The following CEP15 variants were observed in gnomAD, a reference collection of about 807,000 sequenced individuals.
The protein encoded by CEP15 is centrosomal protein 15 kDa.
the CEP15 span, among the ~76,000 whole-genome samples, chr3:62,320,764 C>G: frequency 2.6e-5 from 4 of 152,168 alleles, no homozygotes; most frequent in African/African-American, 9.7e-5. Context: ...CCTCCTCCCA[C>G]CCTTTCTAGG....
At chr3:62,333,371 A>G in the CEP15 span, 1 of 1,610,922 alleles carries the variant, frequency 6.2e-7, no homozygotes, top group Non-Finnish European at 8.5e-7. The surrounding 1 kb of genome is among the most constrained non-coding windows in gnomAD (Gnocchi z 4.0). Context: ...ATACCATTCA[A>G]AATGAGGCAC....
chr3:62,335,864 G>A, the CEP15 span: 1 of 152,020 alleles, frequency 6.6e-6, no homozygotes, highest in African/African-American at 2.4e-5. Flanking sequence ...TCTGGTATAT[G>A]AAATTATTAA....
the CEP15 span, among the ~76,000 whole-genome samples, chr3:62,329,872 A>AT: frequency 2.0e-5 from 3 of 152,246 alleles, no homozygotes; most frequent in South Asian, 6.2e-4. Context: ...TGTTTATTTG[A>AT]TTTATAAAGG....
chr3:62,325,188 A>G, the CEP15 span, among the ~76,000 whole-genome samples: 1 of 152,230 alleles, frequency 6.6e-6, no homozygotes, highest in Non-Finnish European at 1.5e-5. Context: ...ACAAGGAAAC[A>G]TATGCCTTAA....
chr3:62,329,006 C>A, the CEP15 span, among the ~76,000 whole-genome samples: 2 of 147,512 alleles, frequency 1.4e-5, no homozygotes, highest in South Asian at 4.4e-4. Context: ...CAAAGTAGTT[C>A]TTTAGAAAAA....
the CEP15 span, among the ~76,000 whole-genome samples, chr3:62,327,678 T>C: frequency 5.3e-5 from 8 of 152,238 alleles, no homozygotes; most frequent in Non-Finnish European, 4.4e-5. Context: ...TTGTAACTTA[T>C]ATGAAGAGAA....
the CEP15 span, chr3:62,335,450 G>A: frequency 1.5e-5 from 2 of 136,720 alleles, no homozygotes; most frequent in Admixed American, 7.8e-5. Flanking sequence ...TGCACCACAT[G>A]GTGTCTGTTT....
At chr3:62,322,496 A>G in the CEP15 span, 565 of 161,198 alleles carry the variant, frequency 3.5e-3, 3 homozygotes, top group Non-Finnish European at 5.9e-3. The surrounding 1 kb of genome is among the most constrained non-coding windows in gnomAD (Gnocchi z 5.5). Context: ...GTAAACACAC[A>G]GAATTCATAT....
At chr3:62,326,022 C>CAAA in the CEP15 span, among the ~76,000 whole-genome samples, 1 of 106,726 alleles carries the variant, frequency 9.4e-6, no homozygotes, top group Non-Finnish European at 2.0e-5. Flanking sequence ...GACTTCGTCT[C>CAAA]AAAAAAAAAA....
the CEP15 span, chr3:62,334,806 G>T: frequency 5.9e-5 from 9 of 152,136 alleles, no homozygotes; most frequent in African/African-American, 2.2e-4. This position sits in a 1 kb window ranked among gnomAD's most constrained non-coding sequence, Gnocchi z 4.9. Flanking sequence ...ATTTTTTTCT[G>T]TTACATTACA....
the CEP15 span, among the ~76,000 whole-genome samples, chr3:62,325,822 A>G: frequency 6.6e-6 from 1 of 152,052 alleles, no homozygotes; most frequent in African/African-American, 2.4e-5. Context: ...TCAAGAGATC[A>G]AGACCATCCT....
At chr3:62,320,370 C>G in the CEP15 span, 3 of 824,752 alleles carry the variant, frequency 3.6e-6, no homozygotes. Flanking sequence ...CTGAGAGAAC[C>G]AATGGATTAA....
At chr3:62,336,155 A>G in the CEP15 span, 2 of 152,272 alleles carry the variant, frequency 1.3e-5, no homozygotes, top group Admixed American at 6.5e-5. The surrounding 1 kb of genome is among the most constrained non-coding windows in gnomAD (Gnocchi z 4.4). Context: ...TCCATAAAAA[A>G]TAAAGTGAAT....
At chr3:62,323,851 C>T in the CEP15 span, 1 of 152,086 alleles carries the variant, frequency 6.6e-6, no homozygotes, top group South Asian at 2.1e-4. Flanking sequence ...CCATATCATC[C>T]TATTGATCTA....
At chr3:62,328,459 G>A in the CEP15 span, among the ~76,000 whole-genome samples, 1 of 152,084 alleles carries the variant, frequency 6.6e-6, no homozygotes, top group South Asian at 2.1e-4. Context: ...TTCTCTGTGT[G>A]GTTATACCAC....
the CEP15 span, among the ~76,000 whole-genome samples, chr3:62,324,721 G>C: frequency 6.6e-6 from 1 of 152,074 alleles, no homozygotes; most frequent in Non-Finnish European, 1.5e-5. Flanking sequence ...GTTACATCTA[G>C]GACAGGTACT....
chr3:62,334,673 G>C, the CEP15 span: 1 of 152,024 alleles, frequency 6.6e-6, no homozygotes, highest in Admixed American at 6.6e-5. This position sits in a 1 kb window ranked among gnomAD's most constrained non-coding sequence, Gnocchi z 4.9. Flanking sequence ...AAAAGTATCA[G>C]CTTAAAAGCT....
chr3:62,332,417 G>C, the CEP15 span, among the ~76,000 whole-genome samples: 1 of 152,056 alleles, frequency 6.6e-6, no homozygotes, highest in Admixed American at 6.6e-5. Context: ...TGTGTTTCTA[G>C]TGCTATCTCA....
At chr3:62,321,989 C>T in the CEP15 span, 1 of 1,609,452 alleles carries the variant, frequency 6.2e-7, no homozygotes, top group Non-Finnish European at 8.5e-7. This position sits in a 1 kb window ranked among gnomAD's most constrained non-coding sequence, Gnocchi z 4.1. Context: ...GATCAACACA[C>T]AGAAAAGGCA....
Sources: allele counts gnomAD v4.1 joint callset (sites outside exome capture counted in the v4.1 genomes callset), GRCh38; gene constraint gnomAD v4.1.1; non-coding constraint Gnocchi (gnomAD v3.1); transcripts MANE v1.5; gene names NCBI Gene and HGNC (gene_info 2026-07-23, HGNC 2026-07-21).